Variants in VWA2 observed in about 807,000 individuals in gnomAD.
The protein encoded by VWA2 is von Willebrand factor A domain containing 2.
VWA2 carries 73 observed loss-of-function variants against 70.4 expected under a neutral mutation model. The ratio of observed to expected loss-of-function variants is 1.04; its 90% CI spans 0.86 to 1.26. The LOEUF (loss-of-function observed/expected upper bound fraction) is 1.26. Ranked by LOEUF, VWA2 falls within the 50% of genes most tolerant of loss-of-function variation. The pLI is 0.00. For missense variants in VWA2, 1,011 were observed against 998.5 expected (o/e 1.01, Z -0.17); for synonymous variants, 407 against 423.3 (o/e 0.96, Z 0.47).
rs867469596 is a variant in VWA2 at position 114,289,249 on chromosome 10, G to T, written c.1882G>T (p.Ala628Ser). 105 of 1,613,980 alleles carry T rather than the reference G, an allele frequency of 6.5e-5. 1 individual carries two copies. In the Admixed American group the frequency reaches 1.7e-3, roughly 27 times the overall value. The change falls in exon 12 of 14, where the codon GCC becomes TCC. Residue 628 changes from alanine (A) to serine (S), a missense_variant. Ala to Ser is a moderately conservative substitution (Grantham distance 99). Transcript: ENST00000392982. ...CAAAGTGATGACCGTCCAGAGGGGTGCCCGGCCTGGTGTCCCCAAAGCTGT... is the reference window on the plus strand; with the variant it reads ...CAAAGTGATGACCGTCCAGAGGGGTTCCCGGCCTGGTGTCCCCAAAGCTGT... ...YDKVMTVQRG[A>S]RPGVPKAVVV...
At chr10:114,263,062 C>T (rs777458991) in intron 5 of VWA2, among the ~76,000 whole-genome samples, 1 of 152,202 alleles carries the variant, frequency 6.6e-6, no homozygotes, top group Non-Finnish European at 1.5e-5. Context: ...GTTGCCTAGG[C>T]TGGAGTGCAG....
intron 4 of VWA2, among the ~76,000 whole-genome samples, chr10:114,256,132 C>T (rs2037322039): frequency 6.6e-6 from 1 of 152,222 alleles, no homozygotes. Context: ...AGTACACATG[C>T]CCATGCAAAA....
Position 114,278,851 on chromosome 10 carries a change from G to A in VWA2, c.833G>A (p.Ser278Asn), listed in dbSNP as rs758419039. The A allele has an allele frequency of 1.2e-5, 19 of 1,612,878 alleles. No individual in the cohort carries two copies. Among genetic ancestry groups the A allele is most frequent in the Non-Finnish European group, 1.6e-5 (19 of 1,180,022 alleles). Reference protein sequence around the residue: ...AVLAAHCPFYSWKRVFLTHPA... With the variant: ...AVLAAHCPFYNWKRVFLTHPA... ...CTGGCTGCACACTGTCCCTTCTACA[G>A]GTTTGTCTGCGCGGTCTGGGCTCGG... is the stretch of plus-strand genomic sequence containing the variant. Residue 278 changes from serine (S) to asparagine (N), a missense_variant and splice_region_variant, in exon 8 of 14, where the codon AGC becomes AAC. Transcript: ENST00000392982.
chr10:114,249,003 A>G (rs1366550113), intron 2 of VWA2, among the ~76,000 whole-genome samples: 4 of 151,670 alleles, frequency 2.6e-5, no homozygotes, highest in Non-Finnish European at 4.4e-5. Context: ...TGCAGTGGCT[A>G]TTTCTTTTTT....
At chr10:114,253,586 T>G (rs776604354) in intron 2 of VWA2, 65 bp from the exon 3 acceptor site, 83 of 1,399,722 alleles carry the variant, frequency 5.9e-5, no homozygotes, top group Non-Finnish European at 7.5e-5. Context: ...AGTCACTTAA[T>G]GTGGAGATTG....
rs751049716 is a variant in VWA2, at chr10:114,252,442, G to A, written c.53-1209G>A. 9.9e-5 allele frequency among the ~76,000 whole-genome samples: 15 copies of A among 152,112 alleles called. No individual in the cohort carries two copies. The East Asian group carries it at 1.3e-3, about 14-fold the overall frequency. On this transcript the variant is annotated intron_variant, in intron 2 of 13. Coordinates refer to ENST00000392982, the MANE Select transcript of VWA2 (RefSeq NM_001272046.2). ...TAGTTTGCATGGGGGACTAGTGAACGGGAAGGAGCCGGGAAAGACAGAGCT... is the reference window on the plus strand; with the variant it reads ...TAGTTTGCATGGGGGACTAGTGAACAGGAAGGAGCCGGGAAAGACAGAGCT...
intron 1 of VWA2, among the ~76,000 whole-genome samples, chr10:114,243,598 A>G (rs974365309): frequency 2.0e-5 from 3 of 148,132 alleles, no homozygotes; most frequent in African/African-American, 7.5e-5. Flanking sequence ...CGGCTAATCT[A>G]TTTGGGGTTG....
chr10:114,241,567 C>T (rs750104894), intron 1 of VWA2, among the ~76,000 whole-genome samples: 28 of 152,266 alleles, frequency 1.8e-4, no homozygotes, highest in Non-Finnish European at 3.5e-4. Flanking sequence ...TTGGCAGTGA[C>T]GGCATCATAA....
chr10:114,278,756 G>A lies in VWA2; in HGVS notation c.738G>A (p.Thr246=), dbSNP rs141503948. The A allele has an allele frequency of 0.013, 20,765 of 1,613,920 alleles. 170 individuals carry two copies. Among genetic ancestry groups the A allele is most frequent in the Non-Finnish European group, 0.016 (18,416 of 1,180,032 alleles). Residue 246 remains threonine (T), a synonymous_variant, in exon 8 of 14, where the codon ACG becomes ACA. Coordinates refer to ENST00000392982, the MANE Select transcript of VWA2 (RefSeq NM_001272046.2). ...AGGCTCACCCCTGTGAGCACAGGACGCTGGAGATGGTCCGGGAGTTCGCTG... is the reference window on the plus strand; with the variant it reads ...AGGCTCACCCCTGTGAGCACAGGACACTGGAGATGGTCCGGGAGTTCGCTG... ...RVEAHPCEHR[T]LEMVREFAGN... is the part of the protein sequence containing the mutation.
In VWA2 at chr10:114,289,458, C is replaced by G; in HGVS notation, c.2091C>G (p.His697Gln). Residue 697 changes from histidine (H) to glutamine (Q), a missense_variant, in exon 12 of 14, where the codon CAC (histidine) becomes CAG (glutamine). Physicochemically the swap from His to Gln is conservative, Grantham distance 24. Transcript: ENST00000392982. Reference protein sequence around the residue: ...HVAAYADLRYHQDVLIEWLCG... With the variant: ...HVAAYADLRYQQDVLIEWLCG... Reference sequence around the variant, plus strand: ...CAGCTTACGCCGACCTGCGGTACCACCAGGACGTGCTCATTGAGTGGCTGT... The same window carrying G: ...CAGCTTACGCCGACCTGCGGTACCAGCAGGACGTGCTCATTGAGTGGCTGT... 1 of 1,614,210 alleles carries G rather than the reference C, an allele frequency of 6.2e-7. No individual in the cohort carries two copies. Among genetic ancestry groups the G allele is most frequent in the Non-Finnish European group, 8.5e-7 (1 of 1,180,028 alleles).
chr10:114,266,777 C>T (rs1032778814), intron 5 of VWA2, among the ~76,000 whole-genome samples: 1 of 152,156 alleles, frequency 6.6e-6, no homozygotes, highest in African/African-American at 2.4e-5. Flanking sequence ...GGACTCCCTC[C>T]ATAGCTTTGT....
At chr10:114,278,669 A>T (rs766885689) in intron 7 of VWA2, 50 bp from the exon 8 acceptor site, 29 of 1,602,828 alleles carry the variant, frequency 1.8e-5, no homozygotes, top group Non-Finnish European at 2.4e-5. Context: ...TGGCAGGAGG[A>T]GGTGGAACCC....
rs756311283 is a variant in VWA2 at position 114,289,140 on chromosome 10, G to A, written c.1773G>A (p.Arg591=). The A allele has an allele frequency of 1.9e-6, 3 of 1,613,976 alleles. No homozygotes were observed. Among genetic ancestry groups the A allele is most frequent in the Non-Finnish European group, 1.7e-6 (2 of 1,179,978 alleles). ...TAFGLDTKPT[R]AAMLRAISQA... ...TCGGGCTGGACACCAAACCCACCCG[G>A]GCTGCGATGCTGCGGGCCATTAGCC... The change falls in exon 12 of 14, where the codon CGG becomes CGA. Residue 591 remains arginine, a synonymous_variant. Transcript: ENST00000392982.
At chr10:114,287,934 A>G (rs2039111615) in intron 11 of VWA2, among the ~76,000 whole-genome samples, 1 of 152,166 alleles carries the variant, frequency 6.6e-6, no homozygotes, top group African/African-American at 2.4e-5. Flanking sequence ...CCCACAGTAC[A>G]TGTAGTCAGC....
At chr10:114,285,796 A>T in intron 10 of VWA2, 143 bp from the exon 11 acceptor site, 1 of 864,128 alleles carries the variant, frequency 1.2e-6, no homozygotes, top group Non-Finnish European at 1.7e-6. Flanking sequence ...TAACTCTGTG[A>T]CGAGCACGGG....
intron 1 of VWA2, among the ~76,000 whole-genome samples, chr10:114,248,481 T>G (rs1469202881): frequency 6.6e-6 from 1 of 152,050 alleles, no homozygotes; most frequent in Non-Finnish European, 1.5e-5. Context: ...ATGAGAGAGG[T>G]ATCCTGGGGA....
chr10:114,288,974 T>G lies in VWA2; in HGVS notation c.1607T>G (p.Leu536Trp). ...CAAGCCCTGGACCTCGTCTTCATGT[T>G]GGACACCTCTGCCTCAGTAGGGCCC... The part of the protein sequence containing the change: ...RTQALDLVFM[L>W]DTSASVGPEN... Residue 536 changes from leucine to tryptophan, a missense_variant, in exon 12 of 14, where the codon TTG becomes TGG. Transcript: ENST00000392982. The G allele has an allele frequency of 6.2e-7, 1 of 1,613,648 alleles. No homozygotes were observed. The highest frequency in any genetic ancestry group is 8.5e-7 in the Non-Finnish European group (1 of 1,179,682).
intron 6 of VWA2, among the ~76,000 whole-genome samples, chr10:114,274,574 A>G (rs112980213): frequency 6.6e-6 from 1 of 152,110 alleles, no homozygotes; most frequent in Non-Finnish European, 1.5e-5. Context: ...TCCTGGGTTC[A>G]AGCGATTCTC....
chr10:114,287,833 GAT>G (rs2039101391), intron 11 of VWA2, among the ~76,000 whole-genome samples: 1 of 152,114 alleles, frequency 6.6e-6, no homozygotes, highest in African/African-American at 2.4e-5. Flanking sequence ...AACCAGTATT[GAT>G]ACATCATTAT....
Sources: gnomAD v4.1 joint callset for allele counts (sites outside exome capture counted in the v4.1 genomes callset) on GRCh38, gnomAD v4.1.1 for gene constraint, MANE v1.5 for transcripts, NCBI Gene and HGNC (gene_info 2026-07-23, HGNC 2026-07-21) for gene names.